HMCN2: variants seen among roughly 807,000 people sequenced by gnomAD.
HMCN2 encodes the protein hemicentin 2, also known as hemicentin-2.
In HMCN2, 325 loss-of-function variants were observed where a neutral mutation model predicts 377.5. The observed-to-expected ratio is 0.86, with a 90% CI of 0.79 to 0.94. The LOEUF (loss-of-function observed/expected upper bound fraction) is 0.94, where lower values mean the gene tolerates loss of function less well. HMCN2 is among the 40% of genes least tolerant of loss of function. The pLI is 0.00. For missense variants in HMCN2, 4,543 were observed against 4,725.3 expected (o/e 0.96, Z 1.13); for synonymous variants, 2,007 against 2,046.8 (o/e 0.98, Z 0.53).
At position 130,351,865 on chromosome 9, in the gene HMCN2, G is replaced by A. The variant is rs1325754808; in HGVS notation, c.4585+288G>A. Among the ~76,000 whole-genome samples, 7 of 151,838 alleles carry A rather than the reference G, an allele frequency of 4.6e-5. No individual in the cohort carries two copies. In the South Asian group the frequency reaches 8.3e-4, roughly 18 times the overall value. ...CTCTCTCTGTTGCCTAGGCTGGAGC[G>A]CAGTGGCACCATCTTGGCTCACTGC... On this transcript the variant is annotated intron_variant, in intron 30 of 97. Coordinates refer to ENST00000683500, the MANE Select transcript of HMCN2 (RefSeq NM_001291815.2). The surrounding 1 kb of genome is among the most constrained non-coding windows in gnomAD (Gnocchi z 5.4).
chr9:130,424,692 G>A, intron 87 of HMCN2, 84 bp from the exon 88 acceptor site: 1 of 1,390,636 alleles, frequency 7.2e-7, no homozygotes, highest in Non-Finnish European at 9.5e-7. Context: ...TGGGGGCAGT[G>A]GGGAGCCATG....
chr9:130,404,327 G>A (rs1463618880), intron 80 of HMCN2, among the ~76,000 whole-genome samples: 2 of 152,224 alleles, frequency 1.3e-5, no homozygotes, highest in African/African-American at 4.8e-5. Context: ...CCGCAGCTAT[G>A]TAGGGCTGGA....
chr9:130,352,865 TG>T, intron 30 of HMCN2, 61 bp from the exon 31 acceptor site: 1 of 1,199,334 alleles, frequency 8.3e-7, no homozygotes. Flanking sequence ...TCTGCTGCCC[TG>T]GGGAAGATGC....
At chr9:130,290,008 G>A (rs1835664210) in intron 4 of HMCN2, among the ~76,000 whole-genome samples, 3 of 152,198 alleles carry the variant, frequency 2.0e-5, no homozygotes, top group Admixed American at 6.5e-5. Context: ...GCGAAGGGTC[G>A]AGCAGCAGCC....
intron 23 of HMCN2, among the ~76,000 whole-genome samples, chr9:130,340,278 C>T (rs948442590): frequency 3.3e-5 from 5 of 152,344 alleles, no homozygotes; most frequent in Non-Finnish European, 2.9e-5. Flanking sequence ...TGCCAGCCAC[C>T]GGGCTCTATG....
At position 130,394,911 on chromosome 9, in the gene HMCN2, C is replaced by T; in HGVS notation, c.10693-116C>T. 1.7e-6 allele frequency: 1 copy of T among 594,768 alleles called. No individual in the cohort carries two copies. Among genetic ancestry groups the T allele is most frequent in the Non-Finnish European group, 2.6e-6 (1 of 388,816 alleles). The allele number at this position is 594,768 out of a possible 1,614,324, so 36.8% of individuals were successfully genotyped here. On this transcript the variant is annotated intron_variant, in intron 69 of 97. Coordinates refer to ENST00000683500, the MANE Select transcript of HMCN2 (RefSeq NM_001291815.2). This position sits in a 1 kb window ranked among gnomAD's most constrained non-coding sequence, Gnocchi z 5.1. Reference sequence around the variant, plus strand: ...CGTGGGTTGGCTGGGAGGTGGATGGCAGACCTCGCAGGGCTGAGTTTGAAT... The same window carrying T: ...CGTGGGTTGGCTGGGAGGTGGATGGTAGACCTCGCAGGGCTGAGTTTGAAT...
intron 45 of HMCN2, among the ~76,000 whole-genome samples, 179 bp from the exon 46 acceptor site, chr9:130,370,785 G>A (rs900194770): frequency 6.6e-6 from 1 of 152,190 alleles, no homozygotes; most frequent in African/African-American, 2.4e-5. Flanking sequence ...AGCCTGTGGC[G>A]CCATGGGCTC....
Position 130,306,800 on chromosome 9 carries a change from C to T in HMCN2, c.1959-11C>T. On this transcript the variant is annotated splice_polypyrimidine_tract_variant and intron_variant, in intron 12 of 97. Transcript: ENST00000683500. The stretch of plus-strand genomic sequence containing the variant: ...TTTGTGACCCGATGTGTTTCTATGG[C>T]ATGATTCTAGAATCCATGTGGACGC... 2.2e-6 allele frequency: 1 copy of T among 459,004 alleles called. No individual in the cohort carries two copies. The highest frequency in any genetic ancestry group is 1.6e-5 in the South Asian group (1 of 63,338). 28.4% of individuals were successfully genotyped at this position (459,004 alleles called of 1,614,324 possible).
chr9:130,413,597 A>G (rs540181000), intron 85 of HMCN2, among the ~76,000 whole-genome samples: 209 of 152,310 alleles, frequency 1.4e-3, no homozygotes, highest in African/African-American at 4.6e-3. Context: ...AAGAAGGAGG[A>G]TAGACTACCG....
At chr9:130,390,452 T>G in intron 62 of HMCN2, among the ~76,000 whole-genome samples, 1 of 152,336 alleles carries the variant, frequency 6.6e-6, no homozygotes, top group East Asian at 1.9e-4. Flanking sequence ...AGAGGCTGGC[T>G]GGATCCATGA....
chr9:130,288,304 G>A (rs1385634921), intron 4 of HMCN2, among the ~76,000 whole-genome samples: 4 of 152,240 alleles, frequency 2.6e-5, no homozygotes, highest in Admixed American at 2.6e-4. Flanking sequence ...GTCTGGCCGG[G>A]CAGCATGTGT....
intron 82 of HMCN2, 112 bp downstream of exon 82, chr9:130,406,280 C>T: frequency 1.1e-6 from 1 of 950,796 alleles, no homozygotes; most frequent in Non-Finnish European, 1.5e-6. Context: ...TGTCAGCCAG[C>T]CCTGTTGGTT....
At chr9:130,332,691 G>A (rs1375574882) in intron 22 of HMCN2, among the ~76,000 whole-genome samples, 1 of 152,214 alleles carries the variant, frequency 6.6e-6, no homozygotes, top group Non-Finnish European at 1.5e-5. Context: ...CCCTCATGTG[G>A]CCTCCTCACG....
At chr9:130,418,749 A>C in intron 85 of HMCN2, 23 bp from the exon 86 acceptor site, 2 of 1,390,554 alleles carry the variant, frequency 1.4e-6, no homozygotes, top group Non-Finnish European at 1.9e-6. Flanking sequence ...AATGTTCCTA[A>C]AAGCCACCTG....
At chr9:130,410,712 G>A (rs986130348) in intron 85 of HMCN2, 60 bp downstream of exon 85, 53 of 1,441,320 alleles carry the variant, frequency 3.7e-5, no homozygotes, top group African/African-American at 4.2e-5. Context: ...CAGCGGTGGC[G>A]TGTGCAGCCT....
chr9:130,271,524 G>A (rs1382568887), intron 1 of HMCN2, among the ~76,000 whole-genome samples: 1 of 148,948 alleles, frequency 6.7e-6, no homozygotes, highest in African/African-American at 2.4e-5. Flanking sequence ...TGTGGTCATC[G>A]GGAGCTCGTT....
At chr9:130,401,876 C>A (rs1454877315) in intron 77 of HMCN2, among the ~76,000 whole-genome samples, 1 of 151,892 alleles carries the variant, frequency 6.6e-6, no homozygotes, top group African/African-American at 2.4e-5. Context: ...GAGTTTGAGA[C>A]CAGCCTGGGC....
At position 130,351,692 on chromosome 9, in the gene HMCN2, T is replaced by A. The variant is rs890280818; in HGVS notation, c.4585+115T>A. On this transcript the variant is annotated intron_variant, in intron 30 of 97. Coordinates refer to ENST00000683500, the MANE Select transcript of HMCN2 (RefSeq NM_001291815.2). This position sits in a 1 kb window ranked among gnomAD's most constrained non-coding sequence, Gnocchi z 5.4. Reference sequence around the variant, plus strand: ...CTGAAATGGGGGACCTGGTGAGTGATCCCTGAGTCCAAGAAAGCTGGGGGC... The same window carrying A: ...CTGAAATGGGGGACCTGGTGAGTGAACCCTGAGTCCAAGAAAGCTGGGGGC... 1.3e-6 allele frequency: 1 copy of A among 768,370 alleles called. No homozygotes were observed. The highest frequency in any genetic ancestry group is 1.8e-6 in the Non-Finnish European group (1 of 556,286). 47.6% of individuals were successfully genotyped at this position (768,370 alleles called of 1,614,324 possible).
At chr9:130,372,458 C>CCTGGGACCTGCCT in intron 47 of HMCN2, 51 bp downstream of exon 47, 3 of 714,812 alleles carry the variant, frequency 4.2e-6, no homozygotes, top group Non-Finnish European at 5.2e-6. Flanking sequence ...TTCCCCACTG[C>CCTGGGACCTGCCT]CTGGGAGCTC....
Sources: allele counts gnomAD v4.1 joint callset (sites outside exome capture counted in the v4.1 genomes callset), GRCh38; gene constraint gnomAD v4.1.1; non-coding constraint Gnocchi (gnomAD v3.1); transcripts MANE v1.5; gene names NCBI Gene and HGNC (gene_info 2026-07-23, HGNC 2026-07-21).